Variants in SRRM3 observed in about 807,000 individuals in gnomAD.
SRRM3 encodes serine/arginine repetitive matrix 3, also known as serine/arginine repetitive matrix protein 3.
Under a neutral mutation model 66.2 loss-of-function variants are expected in SRRM3, and 27 were observed. The observed-to-expected ratio is 0.41, with a 90% CI of 0.30 to 0.56. The LOEUF is 0.56. SRRM3 is among the 20% of genes least tolerant of loss of function. SRRM3 has a pLI of 0.32. For synonymous variants in SRRM3, 391 were observed against 414.9 expected (o/e 0.94, Z 0.70); for missense variants, 918 against 991.9 (o/e 0.93, Z 1.00).
intron 3 of SRRM3, 69 bp downstream of exon 3, chr7:76,248,358 G>A: frequency 1.6e-6 from 2 of 1,232,998 alleles, no homozygotes; most frequent in Non-Finnish European, 2.3e-6. Context: ...GGTACTAAAG[G>A]GGCCTGTCCA....
chr7:76,259,876 A>T (rs782534642), intron 3 of SRRM3, 30 bp from the exon 4 acceptor site: 2 of 1,599,206 alleles, frequency 1.3e-6, no homozygotes, highest in Admixed American at 1.7e-5. Context: ...TCGTCCCGAG[A>T]CTGGTGGTGA....
chr7:76,208,759 C>T (rs1258410755), intron 1 of SRRM3, among the ~76,000 whole-genome samples: 3 of 150,796 alleles, frequency 2.0e-5, no homozygotes, highest in South Asian at 2.1e-4. Flanking sequence ...CACTTGAATC[C>T]GGGAGGTGGA....
At chr7:76,209,543 G>C (rs1233758609) in intron 1 of SRRM3, among the ~76,000 whole-genome samples, 1 of 152,144 alleles carries the variant, frequency 6.6e-6, no homozygotes, top group Admixed American at 6.5e-5. Flanking sequence ...CATAGGACAG[G>C]ACAGAGGGCA....
At chr7:76,276,343 GA>G (rs1563640042) in intron 11 of SRRM3, among the ~76,000 whole-genome samples, 1 of 152,066 alleles carries the variant, frequency 6.6e-6, no homozygotes, top group African/African-American at 2.4e-5. Flanking sequence ...GAGGACGGAC[GA>G]AGACCACTGA....
chr7:76,246,609 G>T (rs782524331), intron 2 of SRRM3, among the ~76,000 whole-genome samples: 1 of 152,080 alleles, frequency 6.6e-6, no homozygotes, highest in Non-Finnish European at 1.5e-5. Flanking sequence ...AGTTGTATAG[G>T]TGTACACAAG....
rs1411639653 is a variant in SRRM3 at position 76,285,929 on chromosome 7, T to A, written c.*86T>A. 2 of 1,367,814 alleles carry A rather than the reference T, an allele frequency of 1.5e-6. No homozygotes were observed. The highest frequency in any genetic ancestry group is 2.0e-6 in the Non-Finnish European group (2 of 1,012,316). The allele number at this position is 1,367,814 out of a possible 1,614,324, so 84.7% of individuals were successfully genotyped here. ...GGACCCCAGTGGGGAGGGGGCTATA[T>A]CTCCTTGCCCCCAAGGCTACAAAGA... On this transcript the variant is annotated 3_prime_UTR_variant, in exon 15 of 15. Coordinates refer to ENST00000611745, the MANE Select transcript of SRRM3 (RefSeq NM_001110199.3). The surrounding 1 kb of genome is among the most constrained non-coding windows in gnomAD (Gnocchi z 4.1).
chr7:76,258,752 A>G (rs1554608116), intron 3 of SRRM3, among the ~76,000 whole-genome samples: 2 of 143,768 alleles, frequency 1.4e-5, no homozygotes, highest in African/African-American at 5.1e-5. Flanking sequence ...AAAAGAAAAA[A>G]AAAAAAGGAA....
chr7:76,272,638 C>T (rs1802241848), intron 11 of SRRM3, among the ~76,000 whole-genome samples: 1 of 151,820 alleles, frequency 6.6e-6, no homozygotes, highest in South Asian at 2.1e-4. Flanking sequence ...GGTGACAGAG[C>T]GAGACTCCAT....
chr7:76,240,459 T>C (rs1563620686), intron 2 of SRRM3, among the ~76,000 whole-genome samples: 1 of 150,710 alleles, frequency 6.6e-6, no homozygotes, highest in African/African-American at 2.4e-5. Flanking sequence ...TCTCTACTAA[T>C]AATACAAAAA....
In SRRM3 at chr7:76,267,385, C is replaced by A; in HGVS notation, c.958C>A (p.Arg320=). ...SPQRNGGSGQ[R]SGAHGGRPGS... is the part of the protein sequence containing the mutation. ...CCAGCGGAACGGCGGCAGCGGGCAG[C>A]GGAGCGGAGCGCACGGGGGCCGCCC... is the stretch of plus-strand genomic sequence containing the variant. Residue 320 remains arginine (R), a synonymous_variant, in exon 11 of 15, where the codon CGG becomes AGG. Coordinates refer to ENST00000611745, the MANE Select transcript of SRRM3 (RefSeq NM_001110199.3). The A allele has an allele frequency of 7.0e-7, 1 of 1,420,274 alleles. No individual in the cohort carries two copies. Among genetic ancestry groups the A allele is most frequent in the Non-Finnish European group, 9.1e-7 (1 of 1,093,200 alleles). 88.0% of individuals were successfully genotyped at this position (1,420,274 alleles called of 1,614,324 possible).
intron 1 of SRRM3, among the ~76,000 whole-genome samples, chr7:76,226,592 A>AT (rs1230219798): frequency 1.9e-4 from 27 of 141,784 alleles, no homozygotes; most frequent in Admixed American, 9.8e-4. Context: ...TTATTTATTT[A>AT]TTTATTTTAT....
chr7:76,283,493 AATG>A (rs781980363), intron 14 of SRRM3: 1 of 444,874 alleles, frequency 2.2e-6, no homozygotes. Context: ...GTCTCCGGAC[AATG>A]ATGTCTCCTT....
Position 76,235,158 on chromosome 7 carries a change from C to T in SRRM3, c.92C>T (p.Thr31Ile), listed in dbSNP as rs1388842855. 2.6e-6 allele frequency: 4 copies of T among 1,557,556 alleles called. No individual in the cohort carries two copies. The highest frequency in any genetic ancestry group is 3.4e-6 in the Non-Finnish European group (4 of 1,159,510). The change falls in exon 2 of 15, where the codon ACC becomes ATC. Residue 31 changes from threonine to isoleucine, a missense_variant. Transcript: ENST00000611745. ...CCGCAGCCCAGCTCCTCCTCGGGGA[C>T]CTGGCCGCGGGCGGAAGAGGAGCTG... The part of the protein sequence containing the change: ...GFPQPSSSSG[T>I]WPRAEEELRA...
At chr7:76,248,139 G>T in intron 2 of SRRM3, 49 bp from the exon 3 acceptor site, 1 of 1,512,864 alleles carries the variant, frequency 6.6e-7, no homozygotes, top group South Asian at 1.2e-5. Context: ...AGGAAAGAGG[G>T]AACCAAATCT....
At chr7:76,229,190 G>A (rs1015011261) in intron 1 of SRRM3, among the ~76,000 whole-genome samples, 6 of 151,798 alleles carry the variant, frequency 4.0e-5, no homozygotes, top group Admixed American at 2.6e-4. Flanking sequence ...GAGCCACCGC[G>A]CCCAGCCGAG....
At chr7:76,211,763 C>T (rs991185539) in intron 1 of SRRM3, among the ~76,000 whole-genome samples, 1 of 151,682 alleles carries the variant, frequency 6.6e-6, no homozygotes, top group Admixed American at 6.6e-5. Flanking sequence ...CCCAAAACGA[C>T]TGATTCCAAA....
chr7:76,207,410 T>G (rs1800328550), intron 1 of SRRM3, among the ~76,000 whole-genome samples: 1 of 152,164 alleles, frequency 6.6e-6, no homozygotes, highest in South Asian at 2.1e-4. Context: ...TATCAGTAGT[T>G]CCACCACCCA....
chr7:76,237,467 C>T (rs1213500603), intron 2 of SRRM3, among the ~76,000 whole-genome samples: 3 of 152,084 alleles, frequency 2.0e-5, no homozygotes, highest in Admixed American at 2.0e-4. Flanking sequence ...CCCAGCTACT[C>T]GGGAGGCTGA....
chr7:76,260,920 C>A lies in SRRM3; in HGVS notation c.575+17C>A. On this transcript the variant is annotated intron_variant, in intron 6 of 14. Transcript: ENST00000611745. ...CGAATGCAGGTCAGTGGGGACAGAG[C>A]TGGCTGGGGCCAGGGCGGGGGATGT... 4 of 1,557,758 alleles carry A rather than the reference C, an allele frequency of 2.6e-6. No homozygotes were observed. The highest frequency in any genetic ancestry group is 1.2e-5 in the South Asian group (1 of 84,406).
Sources: gnomAD v4.1 joint callset for allele counts (sites outside exome capture counted in the v4.1 genomes callset) on GRCh38, gnomAD v4.1.1 for gene constraint, Gnocchi (gnomAD v3.1) non-coding constraint, MANE v1.5 for transcripts, NCBI Gene and HGNC (gene_info 2026-07-23, HGNC 2026-07-21) for gene names.